The following MACF1 variants were observed in gnomAD, a reference collection of about 807,000 sequenced individuals.
The protein encoded by MACF1 is microtubule-actin cross-linking factor 1.
MACF1 carries 193 observed loss-of-function variants against 854.8 expected under a neutral mutation model. The ratio of observed to expected loss-of-function variants is 0.23; its 90% confidence interval spans 0.20 to 0.25. The LOEUF is 0.25. MACF1 is among the 10% of genes least tolerant of loss of function. The pLI is 1.00. For synonymous variants in MACF1, 3,185 were observed against 3,226.7 expected (o/e 0.99, Z 0.44); for missense variants, 7,722 against 8,929.1 (o/e 0.86, Z 5.45).
At position 39,282,240 on chromosome 1, in the gene MACF1, G is replaced by A. The variant is rs1028084471; in HGVS notation, c.561G>A (p.Gly187=). Residue 187 remains glycine, a synonymous_variant, in exon 7 of 101, where the codon GGG becomes GGA. Transcript: ENST00000564288. ...ISDIYISGES[G]DMSAKEKLLL... is the part of the protein sequence containing the mutation. ...ACATCTACATTAGTGGAGAATCAGG[G>A]GATATGTCAGCCAAGGAGAAACTAC... is the stretch of plus-strand genomic sequence containing the variant. 2.5e-6 allele frequency: 4 copies of A among 1,613,954 alleles called. No individual in the cohort carries two copies. Among genetic ancestry groups the A allele is most frequent in the Non-Finnish European group, 3.4e-6 (4 of 1,179,938 alleles).
chr1:39,432,521 A>G lies in MACF1; in HGVS notation c.17338-14A>G. ...GTATATAATTTGTTTATTTTTCTTTAATACGTCTATTAGTATGAGCAAGCT... is the reference window on the plus strand; with the variant it reads ...GTATATAATTTGTTTATTTTTCTTTGATACGTCTATTAGTATGAGCAAGCT... On this transcript the variant is annotated splice_polypyrimidine_tract_variant and intron_variant, in intron 66 of 100. Transcript: ENST00000564288. 1 of 1,612,772 alleles carries G rather than the reference A, an allele frequency of 6.2e-7. No individual in the cohort carries two copies. Among genetic ancestry groups the G allele is most frequent in the Non-Finnish European group, 8.5e-7 (1 of 1,179,376 alleles).
Position 39,453,865 on chromosome 1 carries a change from C to G in MACF1, c.20886+15C>G, listed in dbSNP as rs758870476. 2.5e-6 allele frequency: 4 copies of G among 1,614,066 alleles called. No homozygotes were observed. The South Asian group carries it at 4.4e-5, about 18-fold the overall frequency. On this transcript the variant is annotated intron_variant, in intron 88 of 100. Coordinates refer to ENST00000564288, the MANE Select transcript of MACF1 (RefSeq NM_001394062.1). ...GCTTCGAGGAGGTGAGTCCCTGGTT[C>G]AGAGGAGGACTGCACACGCCCAGTA...
rs1449844514 is a variant in MACF1 at position 39,469,744 on chromosome 1, A to G, written c.21958+129A>G. ...CATGAATGCTTGAAATGGCCAAACC[A>G]TAGCTTTTCTAACTACTCAAGTTGA... is the stretch of plus-strand genomic sequence containing the variant. On this transcript the variant is annotated intron_variant, in intron 97 of 100. Coordinates refer to ENST00000564288, the MANE Select transcript of MACF1 (RefSeq NM_001394062.1). 15 of 716,582 alleles carry G rather than the reference A, an allele frequency of 2.1e-5. No individual in the cohort carries two copies. The South Asian group carries it at 2.5e-4, about 12-fold the overall frequency. 44.4% of individuals were successfully genotyped at this position (716,582 alleles called of 1,614,324 possible).
At position 39,452,176 on chromosome 1, in the gene MACF1, A is replaced by G; in HGVS notation, c.20439A>G (p.Gly6813=). 1 of 1,601,894 alleles carries G rather than the reference A, an allele frequency of 6.2e-7. No homozygotes were observed. Among genetic ancestry groups the G allele is most frequent in the Non-Finnish European group, 8.5e-7 (1 of 1,174,780 alleles). Residue 6813 remains glycine, a synonymous_variant, in exon 86 of 101, where the codon GGA becomes GGG. Transcript: ENST00000564288. ...DAHKVFQKEL[G]KRTGTVQVLK... is the part of the protein sequence containing the mutation. ...TCTAGGTTTTCCAGAAGGAACTGGGAAAGCGAACAGGAACCGTTCAGGTCC... is the reference window on the plus strand; with the variant it reads ...TCTAGGTTTTCCAGAAGGAACTGGGGAAGCGAACAGGAACCGTTCAGGTCC...
In MACF1 at chr1:39,388,456, T is replaced by G. The variant is rs760893630; in HGVS notation, c.15614T>G (p.Leu5205Arg). ...LLGLKRELEA[L>R]NKQCGKLTER... The stretch of plus-strand genomic sequence containing the variant: ...GGTCTCAAAAGGGAGCTAGAAGCCC[T>G]GAACAAACAGTGTGGCAAACTGACA... Residue 5205 changes from leucine to arginine, a missense_variant, in exon 58 of 101, where the codon CTG becomes CGG. By Grantham distance (102) the Leu-to-Arg change is moderately radical. Transcript: ENST00000564288. 6.2e-7 allele frequency: 1 copy of G among 1,614,070 alleles called. No individual in the cohort carries two copies. Among genetic ancestry groups the G allele is most frequent in the Non-Finnish European group, 8.5e-7 (1 of 1,180,000 alleles).
chr1:39,272,314 G>A (rs927572153), intron 6 of MACF1, among the ~76,000 whole-genome samples: 2 of 152,228 alleles, frequency 1.3e-5, no homozygotes, highest in African/African-American at 4.8e-5. Context: ...CTAACAGGCT[G>A]TTCACAGGCT....
rs530598929 is a variant in MACF1 at position 39,476,497 on chromosome 1, G to A, written c.21959-3301G>A. Among the ~76,000 whole-genome samples the A allele has an allele frequency of 1.7e-3, 254 of 152,126 alleles. 1 individual carries two copies. Among genetic ancestry groups the A allele is most frequent in the Admixed American group, 4.1e-3 (62 of 15,288 alleles). ...GAGGCAGAAGAATCACTTGAACCCA[G>A]GAGGCGGAGGTTACAGTGAGCCAAG... On this transcript the variant is annotated intron_variant, in intron 97 of 100. Coordinates refer to ENST00000564288, the MANE Select transcript of MACF1 (RefSeq NM_001394062.1).
chr1:39,235,941 T>C (rs1376753252), intron 2 of MACF1, among the ~76,000 whole-genome samples: 1 of 152,210 alleles, frequency 6.6e-6, no homozygotes, highest in Non-Finnish European at 1.5e-5. Context: ...TCTTGGTATG[T>C]TGCCCAGGCT....
In MACF1 at chr1:39,409,870, G is replaced by C. The variant is rs1050211908; in HGVS notation, c.15817-12504G>C. Reference sequence around the variant, plus strand: ...GCCATTGTTATTAAAGGATACAATCGGCATAAATTTGCTGCTCCCAACTCT... The same window carrying C: ...GCCATTGTTATTAAAGGATACAATCCGCATAAATTTGCTGCTCCCAACTCT... On this transcript the variant is annotated intron_variant, in intron 58 of 100. Transcript: ENST00000564288. The surrounding 1 kb of genome is among the most constrained non-coding windows in gnomAD (Gnocchi z 4.2). 1 of 165,910 alleles carries C rather than the reference G, an allele frequency of 6.0e-6. No homozygotes were observed. Among genetic ancestry groups the C allele is most frequent in the African/African-American group, 2.4e-5 (1 of 41,878 alleles). 10.3% of individuals were successfully genotyped at this position (165,910 alleles called of 1,614,324 possible). A position where few individuals can be genotyped will look rare whatever the true frequency, so the allele number is the denominator to read the frequency against.
chr1:39,135,450 T>C (rs1643141119), intron 2 of MACF1, among the ~76,000 whole-genome samples: 1 of 152,142 alleles, frequency 6.6e-6, no homozygotes, highest in African/African-American at 2.4e-5. Flanking sequence ...GGTTTCACCA[T>C]GTTGGCCAGG....
chr1:39,092,864 A>G (rs1571027958), intron 2 of MACF1, among the ~76,000 whole-genome samples: 4 of 151,538 alleles, frequency 2.6e-5, no homozygotes, highest in Admixed American at 2.6e-4. Flanking sequence ...GCTCACTGCA[A>G]CCTCCGCCTC....
rs182933039 is a variant in MACF1, at chr1:39,377,103, C to T, written c.13214-1358C>T. Among the ~76,000 whole-genome samples, 103 of 152,182 alleles carry T rather than the reference C, an allele frequency of 6.8e-4. 1 individual carries two copies. Among genetic ancestry groups the T allele is most frequent in the Admixed American group, 2.2e-3 (34 of 15,288 alleles). On this transcript the variant is annotated intron_variant, in intron 52 of 100. Coordinates refer to ENST00000564288, the MANE Select transcript of MACF1 (RefSeq NM_001394062.1). ...TTGGCTCACTGCAACCTCTGCCTCCCGGGTTCAATCGATTCTCCTGCCTCA... is the reference window on the plus strand; with the variant it reads ...TTGGCTCACTGCAACCTCTGCCTCCTGGGTTCAATCGATTCTCCTGCCTCA...
chr1:39,163,354 AAAAAAAGAAAAGAAAAG>A (rs1409210229), intron 2 of MACF1, among the ~76,000 whole-genome samples: 1 of 150,708 alleles, frequency 6.6e-6, no homozygotes, highest in Non-Finnish European at 1.5e-5. Flanking sequence ...AAAAAAAAAA[AAAAAAAGAAAAGAAAAG>A]AAAAAAAGAA....
intron 2 of MACF1, among the ~76,000 whole-genome samples, chr1:39,129,079 G>C (rs1642931205): frequency 6.6e-6 from 1 of 152,150 alleles, no homozygotes; most frequent in Non-Finnish European, 1.5e-5. Flanking sequence ...GATTTTGTTA[G>C]TACTTCACAC....
chr1:39,198,400 C>T (rs1408086719), intron 2 of MACF1, among the ~76,000 whole-genome samples: 1 of 151,804 alleles, frequency 6.6e-6, no homozygotes. Context: ...CTCCTGTAAT[C>T]CCAGCACTTT....
Position 39,285,316 on chromosome 1 carries a change from A to G in MACF1, c.1279A>G (p.Ile427Val). The G allele has an allele frequency of 1.2e-6, 2 of 1,614,176 alleles. No individual in the cohort carries two copies. The highest frequency in any genetic ancestry group is 1.7e-6 in the Non-Finnish European group (2 of 1,180,038). Reference sequence around the variant, plus strand: ...TTTCAGGCTGGAATTGCTGCTACAGATTGCAAACAAAATCCAGAATGGTGC... The same window carrying G: ...TTTCAGGCTGGAATTGCTGCTACAGGTTGCAAACAAAATCCAGAATGGTGC... Reference protein sequence around the residue: ...AVERLELLLQIANKIQNGALN... With the variant: ...AVERLELLLQVANKIQNGALN... The change falls in exon 13 of 101, where the codon ATT becomes GTT. Residue 427 changes from isoleucine to valine, a missense_variant. Physicochemically the swap from Ile to Val is conservative, Grantham distance 29. This residue lies in a region of MACF1 where 1,137 missense variants were observed against 1,263.0 expected (regional missense o/e 0.90). Transcript: ENST00000564288.
intron 2 of MACF1, among the ~76,000 whole-genome samples, chr1:39,232,100 T>C (rs985896062): frequency 6.7e-6 from 1 of 148,548 alleles, no homozygotes; most frequent in Non-Finnish European, 1.5e-5. Context: ...ATAATAATAA[T>C]AATTGTTATA....
chr1:39,480,062 G>A, intron 98 of MACF1, 53 bp downstream of exon 98: 1 of 1,135,606 alleles, frequency 8.8e-7, no homozygotes, highest in Admixed American at 2.2e-5. Flanking sequence ...CCTCACAGAT[G>A]TTCATTGTTC....
Position 39,427,715 on chromosome 1 carries a change from G to A in MACF1, c.16476+101G>A. The A allele has an allele frequency of 3.2e-6, 4 of 1,258,848 alleles. No homozygotes were observed. In the South Asian group the frequency reaches 4.4e-5, roughly 14 times the overall value. 78.0% of individuals were successfully genotyped at this position (1,258,848 alleles called of 1,614,324 possible). Reference sequence around the variant, plus strand: ...ATTCTAGAGGATGTGTGTTTTGTGGGTTTAACTTAAAATATGGTCAGATTA... The same window carrying A: ...ATTCTAGAGGATGTGTGTTTTGTGGATTTAACTTAAAATATGGTCAGATTA... On this transcript the variant is annotated intron_variant, in intron 62 of 100. Coordinates refer to ENST00000564288, the MANE Select transcript of MACF1 (RefSeq NM_001394062.1).
Sources: gnomAD v4.1 joint callset for allele counts (sites outside exome capture counted in the v4.1 genomes callset) on GRCh38, gnomAD v4.1.1 for gene constraint, gnomAD v4.1.1 regional missense constraint, Gnocchi (gnomAD v3.1) non-coding constraint, MANE v1.5 for transcripts, NCBI Gene and HGNC (gene_info 2026-07-23, HGNC 2026-07-21) for gene names.